PDE1C: variants seen among roughly 807,000 people sequenced by gnomAD.
PDE1C encodes dual specificity calcium/calmodulin-dependent 3',5'-cyclic nucleotide phosphodiesterase 1C.
A neutral mutation model predicts 93.1 loss-of-function variants in PDE1C; 62 were observed. The ratio of observed to expected loss-of-function variants is 0.67; its 90% CI spans 0.54 to 0.82. PDE1C has a LOEUF of 0.82. Among genes scored for constraint, PDE1C ranks in the 40% least tolerant of loss-of-function variants. The pLI, the probability that PDE1C is intolerant of heterozygous loss-of-function variation, is 0.00. For synonymous variants in PDE1C, 325 were observed against 310.1 expected (o/e 1.05, Z -0.50); for missense variants, 742 against 884.6 (o/e 0.84, Z 2.04).
chr7:32,125,605 A>T (rs1799530330), intron 3 of PDE1C, among the ~76,000 whole-genome samples: 1 of 152,168 alleles, frequency 6.6e-6, no homozygotes, highest in Non-Finnish European at 1.5e-5. Context: ...ATCCTCAGCA[A>T]ACTAACACAG....
chr7:31,811,197 C>T (rs369581978), intron 15 of PDE1C, among the ~76,000 whole-genome samples: 43 of 152,134 alleles, frequency 2.8e-4, no homozygotes, highest in Non-Finnish European at 5.3e-4. Flanking sequence ...AAGGAAAAAC[C>T]GCTTTTGCTT....
In PDE1C at chr7:32,056,503, T is replaced by G. The variant is rs562849227; in HGVS notation, c.102-4923A>C. Among the ~76,000 whole-genome samples, 7 of 152,264 alleles carry G rather than the reference T, an allele frequency of 4.6e-5. No homozygotes were observed. In the East Asian group the frequency reaches 1.4e-3, roughly 29 times the overall value. ...AGCTTTAATCCCTTCTCCAACTTAT[T>G]GTGTCCGACAGGCTGCATGACCTTT... On this transcript the variant is annotated intron_variant, in intron 1 of 17. Transcript: ENST00000396191.
intron 2 of PDE1C, among the ~76,000 whole-genome samples, chr7:32,008,113 C>T (rs912441761): frequency 6.6e-6 from 1 of 152,138 alleles, no homozygotes; most frequent in Non-Finnish European, 1.5e-5. Flanking sequence ...TTCTATAACC[C>T]TGTGGCTATT....
intron 1 of PDE1C, among the ~76,000 whole-genome samples, chr7:32,297,981 C>A (rs1313320810): frequency 1.4e-5 from 1 of 70,520 alleles, no homozygotes. Flanking sequence ...CTCTCTCTCT[C>A]TCTCTCTCTC....
chr7:31,804,948 A>G (rs986188272), intron 16 of PDE1C, among the ~76,000 whole-genome samples: 1 of 151,800 alleles, frequency 6.6e-6, no homozygotes, highest in African/African-American at 2.4e-5. Flanking sequence ...CTCATCTTGA[A>G]TCATAGATCC....
chr7:32,264,974 G>A (rs1312085111), intron 1 of PDE1C, among the ~76,000 whole-genome samples: 1 of 152,136 alleles, frequency 6.6e-6, no homozygotes, highest in Non-Finnish European at 1.5e-5. Context: ...TTTCCCTTTG[G>A]AATCTGAGAT....
At chr7:31,822,669 C>T (rs1241631017) in intron 14 of PDE1C, among the ~76,000 whole-genome samples, 2 of 152,072 alleles carry the variant, frequency 1.3e-5, no homozygotes, top group African/African-American at 4.8e-5. Flanking sequence ...CTCCTTATAT[C>T]CCAACATAAT....
chr7:32,206,189 A>C (rs1016348411), intron 2 of PDE1C, among the ~76,000 whole-genome samples: 46 of 152,138 alleles, frequency 3.0e-4, no homozygotes, highest in African/African-American at 1.1e-3. Context: ...ACTAGCATGT[A>C]GGAGACCTTT....
chr7:32,107,360 G>A (rs1281013983), intron 3 of PDE1C, among the ~76,000 whole-genome samples: 1 of 151,348 alleles, frequency 6.6e-6, no homozygotes, highest in African/African-American at 2.4e-5. Flanking sequence ...GGGAGAGAAG[G>A]AGGGAGCAAG....
intron 1 of PDE1C, among the ~76,000 whole-genome samples, chr7:32,252,026 A>G (rs1202193102): frequency 6.6e-6 from 1 of 152,040 alleles, no homozygotes. Context: ...TCCATTTTGC[A>G]CCTCTCTATA....
intron 12 of PDE1C, among the ~76,000 whole-genome samples, chr7:31,827,344 A>C (rs376620460): frequency 6.9e-4 from 105 of 152,226 alleles, no homozygotes; most frequent in African/African-American, 2.0e-3. Flanking sequence ...TTGGGACTCA[A>C]TTCAAATATT....
chr7:31,696,598 G>A, the PDE1C span, among the ~76,000 whole-genome samples: 1 of 152,184 alleles, frequency 6.6e-6, no homozygotes, highest in Non-Finnish European at 1.5e-5. Context: ...TGGCTGAAGA[G>A]GATGAGATTT....
the PDE1C span, among the ~76,000 whole-genome samples, chr7:31,649,228 A>G: frequency 1.3e-5 from 2 of 152,362 alleles, no homozygotes; most frequent in African/African-American, 2.4e-5. Flanking sequence ...AAGTATTTCC[A>G]TTATGACAAT....
chr7:31,776,849 T>C (rs1451953511), intron 16 of PDE1C, among the ~76,000 whole-genome samples: 1 of 151,352 alleles, frequency 6.6e-6, no homozygotes, highest in East Asian at 2.0e-4. Context: ...GTTACTTCCG[T>C]TAGGAGTCCC....
At chr7:31,902,831 A>G (rs1270710697) in intron 2 of PDE1C, among the ~76,000 whole-genome samples, 1 of 151,356 alleles carries the variant, frequency 6.6e-6, no homozygotes, top group African/African-American at 2.4e-5. Context: ...ATCGATTAAC[A>G]TTAAAAAGTT....
At chr7:32,237,768 T>TATATATATAC (rs1415805492) in intron 1 of PDE1C, among the ~76,000 whole-genome samples, 1 of 10,746 alleles carries the variant, frequency 9.3e-5, no homozygotes, top group African/African-American at 3.0e-4. Flanking sequence ...ATATACTTTT[T>TATATATATAC]TTTTTTTTTT....
chr7:32,302,067 A>G (rs1156851204), upstream of PDE1C, among the ~76,000 whole-genome samples: 1 of 152,232 alleles, frequency 6.6e-6, no homozygotes, highest in Non-Finnish European at 1.5e-5. Flanking sequence ...TTCACACTAC[A>G]AAGCCATTGT....
chr7:31,963,980 A>C (rs1231717077), intron 2 of PDE1C, among the ~76,000 whole-genome samples: 1 of 152,200 alleles, frequency 6.6e-6, no homozygotes, highest in Non-Finnish European at 1.5e-5. Context: ...GGGTGGAGGC[A>C]AGGTGGCCAA....
chr7:31,627,889 A>G, the PDE1C span, among the ~76,000 whole-genome samples: 1 of 152,200 alleles, frequency 6.6e-6, no homozygotes, highest in African/African-American at 2.4e-5. Flanking sequence ...TTATTGTACT[A>G]TGAGTATCAT....
Sources: allele counts gnomAD v4.1 joint callset (sites outside exome capture counted in the v4.1 genomes callset), GRCh38; gene constraint gnomAD v4.1.1; transcripts MANE v1.5; gene names NCBI Gene and HGNC (gene_info 2026-07-23, HGNC 2026-07-21).